Variants in METAP2 observed in about 807,000 individuals in gnomAD.
METAP2 encodes the protein methionine aminopeptidase 2.
Under a neutral mutation model 59.4 loss-of-function variants are expected in METAP2, and 25 were observed. The observed-to-expected ratio is 0.42, with a 90% confidence interval of 0.31 to 0.59. The LOEUF (loss-of-function observed/expected upper bound fraction) is 0.59, where lower values mean the gene tolerates loss of function less well. Ranked by LOEUF, METAP2 falls within the 20% of genes least tolerant of loss-of-function variation. The pLI, the probability that METAP2 is intolerant of heterozygous loss-of-function variation, is 0.16. For missense variants in METAP2, 366 were observed against 581.2 expected (o/e 0.63, Z 3.81); for synonymous variants, 214 against 194.1 (o/e 1.10, Z -0.85).
intron 4 of METAP2, among the ~76,000 whole-genome samples, chr12:95,490,989 T>G (rs1032563876): frequency 6.6e-6 from 1 of 152,176 alleles, no homozygotes; most frequent in African/African-American, 2.4e-5. Flanking sequence ...GACCTTCACA[T>G]TGTACCATAT....
intron 4 of METAP2, among the ~76,000 whole-genome samples, chr12:95,487,897 T>G (rs1368843143): frequency 6.6e-6 from 1 of 152,214 alleles, no homozygotes; most frequent in African/African-American, 2.4e-5. Context: ...TATTCCACCA[T>G]TCTTTAGCTG....
At chr12:95,504,282 A>G (rs949566001) in intron 8 of METAP2, 121 bp downstream of exon 8, 2 of 672,706 alleles carry the variant, frequency 3.0e-6, no homozygotes, top group Non-Finnish European at 5.1e-6. Flanking sequence ...AAGACGGGAA[A>G]TGACCTGCTT....
chr12:95,490,958 A>G (rs2076233447), intron 4 of METAP2, among the ~76,000 whole-genome samples: 2 of 152,130 alleles, frequency 1.3e-5, no homozygotes, highest in South Asian at 4.1e-4. Context: ...TTTTTGACAG[A>G]GGTATAAAAT....
At chr12:95,497,116 C>T (rs1038104755) in intron 7 of METAP2, among the ~76,000 whole-genome samples, 21 of 152,054 alleles carry the variant, frequency 1.4e-4, no homozygotes, top group African/African-American at 4.8e-4. Context: ...TGATTCACCG[C>T]GCCTGGCCAT....
intron 2 of METAP2, among the ~76,000 whole-genome samples, chr12:95,479,119 C>A (rs1157402383): frequency 1.3e-5 from 2 of 152,090 alleles, no homozygotes; most frequent in Non-Finnish European, 2.9e-5. Context: ...TTAGGCTTTA[C>A]CTGTATACAG....
intron 2 of METAP2, among the ~76,000 whole-genome samples, chr12:95,477,084 G>A (rs569290639): frequency 1.3e-5 from 2 of 151,892 alleles, no homozygotes; most frequent in South Asian, 2.1e-4. Flanking sequence ...CTGACTGCAC[G>A]TTTGTTCCTT....
intron 8 of METAP2, among the ~76,000 whole-genome samples, chr12:95,507,146 T>C (rs1002681281): frequency 1.1e-4 from 16 of 152,174 alleles, no homozygotes; most frequent in African/African-American, 3.6e-4. Context: ...GTTCAGGCAG[T>C]TTTTACTTGG....
At chr12:95,496,760 T>C (rs983700273) in intron 7 of METAP2, among the ~76,000 whole-genome samples, 2 of 151,862 alleles carry the variant, frequency 1.3e-5, no homozygotes, top group Non-Finnish European at 2.9e-5. Flanking sequence ...TTTTTTTTTT[T>C]TGGAGGGAGG....
rs1594425060 is a variant in METAP2, at chr12:95,495,095, G to A, written c.729G>A (p.Gln243=). 6.2e-7 allele frequency: 1 copy of A among 1,613,456 alleles called. No homozygotes were observed. Among genetic ancestry groups the A allele is most frequent in the African/African-American group, 1.3e-5 (1 of 74,912 alleles). Residue 243 remains glutamine (Q), a synonymous_variant, in exon 6 of 11, where the codon CAG becomes CAA. Transcript: ENST00000323666. ...TPNAGDTTVL[Q]YDDICKIDFG... ...ATGCCGGTGACACAACAGTATTACA[G>A]TATGATGACATCTGTAAAATAGACT...
chr12:95,494,254 A>T (rs1217256405), intron 5 of METAP2, 37 bp downstream of exon 5: 1 of 1,583,196 alleles, frequency 6.3e-7, no homozygotes, highest in East Asian at 2.2e-5. Flanking sequence ...CATGATAAAA[A>T]ATGTTTTATT....
At chr12:95,504,327 A>C (rs1594433645) in intron 8 of METAP2, among the ~76,000 whole-genome samples, 166 bp downstream of exon 8, 1 of 152,296 alleles carries the variant, frequency 6.6e-6, no homozygotes, top group South Asian at 2.1e-4. Context: ...AACTAACTGG[A>C]AACTATTGCC....
chr12:95,505,736 C>T (rs976580279), intron 8 of METAP2, among the ~76,000 whole-genome samples: 2 of 151,236 alleles, frequency 1.3e-5, no homozygotes, highest in East Asian at 4.0e-4. Context: ...CTCAGGTGAT[C>T]CGCCCACCTC....
At chr12:95,496,524 C>G (rs1469859637) in intron 7 of METAP2, among the ~76,000 whole-genome samples, 1 of 151,980 alleles carries the variant, frequency 6.6e-6, no homozygotes, top group Non-Finnish European at 1.5e-5. Flanking sequence ...ATCATTTGAA[C>G]TAGCATTGAC....
At chr12:95,486,329 A>G (rs1200549194) in intron 4 of METAP2, among the ~76,000 whole-genome samples, 1 of 151,678 alleles carries the variant, frequency 6.6e-6, no homozygotes, top group Non-Finnish European at 1.5e-5. Flanking sequence ...TCCATTTGGG[A>G]TTTCTGAGTG....
At chr12:95,503,560 T>C (rs932284629) in intron 7 of METAP2, among the ~76,000 whole-genome samples, 1 of 152,134 alleles carries the variant, frequency 6.6e-6, no homozygotes, top group Non-Finnish European at 1.5e-5. Context: ...CAGTGGCCAC[T>C]TCTGTATCTG....
intron 1 of METAP2, 25 bp downstream of exon 1, chr12:95,474,355 A>G: frequency 6.2e-7 from 1 of 1,611,282 alleles, no homozygotes. Context: ...ATGTTTTCCC[A>G]GTCCCCTCCG....
chr12:95,484,758 G>T, intron 3 of METAP2: 1 of 414,126 alleles, frequency 2.4e-6, no homozygotes, highest in Non-Finnish European at 4.7e-6. Context: ...TTTTTTCTGA[G>T]TATCAGTCTG....
chr12:95,513,975 T>G lies in METAP2; in HGVS notation c.*71T>G, dbSNP rs2076424984. ...TGGAAAACATGATACCAGAATTAAT[T>G]TGCCACATGTTGTCTGTTTTAACAG... On this transcript the variant is annotated 3_prime_UTR_variant, in exon 11 of 11. Transcript: ENST00000323666. 1 of 1,493,396 alleles carries G rather than the reference T, an allele frequency of 6.7e-7. No individual in the cohort carries two copies. The highest frequency in any genetic ancestry group is 9.0e-7 in the Non-Finnish European group (1 of 1,106,334). 92.5% of individuals were successfully genotyped at this position (1,493,396 alleles called of 1,614,324 possible).
chr12:95,508,938 G>T (rs189205515), intron 8 of METAP2, among the ~76,000 whole-genome samples: 167 of 150,844 alleles, frequency 1.1e-3, no homozygotes, highest in African/African-American at 3.8e-3. Flanking sequence ...CAGAGAGGAT[G>T]TGGAAAAATC....
Sources: allele counts gnomAD v4.1 joint callset (sites outside exome capture counted in the v4.1 genomes callset), GRCh38; gene constraint gnomAD v4.1.1; transcripts MANE v1.5; gene names NCBI Gene and HGNC (gene_info 2026-07-23, HGNC 2026-07-21).